The following XRRA1 variants were observed in gnomAD, a reference collection of about 807,000 sequenced individuals.
The protein encoded by XRRA1 is X-ray radiation resistance associated 1.
Under a neutral mutation model 80.2 loss-of-function variants are expected in XRRA1, and 69 were observed. The observed-to-expected ratio is 0.86, with a 90% CI of 0.71 to 1.05. XRRA1 has a LOEUF of 1.05. Among genes scored for constraint, XRRA1 ranks in the 50% least tolerant of loss-of-function variants. XRRA1 has a pLI of 0.00. For missense variants in XRRA1, 967 were observed against 976.4 expected, an observed-to-expected ratio of 0.99 and a Z score of 0.13; for synonymous variants, 348 against 389.9, an observed-to-expected ratio of 0.89 and a Z score of 1.27.
intron 18 of XRRA1, 111 bp from the exon 19 acceptor site, chr11:74,843,564 G>A (rs1215739642): frequency 2.8e-6 from 4 of 1,422,276 alleles, no homozygotes; most frequent in African/African-American, 2.9e-5. Flanking sequence ...TGTGGCAGGA[G>A]GATGCTAAGG....
chr11:74,888,497 A>G lies in XRRA1; in HGVS notation c.1003+17742T>C, dbSNP rs185932000. Reference sequence around the variant, plus strand: ...ACAGAGCAGAAAAACTGGAAACTCTAAAAATCAGAATGCCTCTCCTCCTCC... The same window carrying G: ...ACAGAGCAGAAAAACTGGAAACTCTGAAAATCAGAATGCCTCTCCTCCTCC... On this transcript the variant is annotated intron_variant, in intron 10 of 18. Coordinates refer to ENST00000684022, the MANE Select transcript of XRRA1 (RefSeq NM_001378157.1). Among the ~76,000 whole-genome samples, 447 of 152,342 alleles carry G rather than the reference A, an allele frequency of 2.9e-3. 3 individuals carry two copies. The highest frequency in any genetic ancestry group is 0.01 in the African/African-American group (420 of 41,574).
chr11:74,859,437 G>A (rs1015054506), intron 11 of XRRA1, among the ~76,000 whole-genome samples, 154 bp from the exon 12 acceptor site: 1 of 152,064 alleles, frequency 6.6e-6, no homozygotes, highest in Non-Finnish European at 1.5e-5. Context: ...GGTAGATGTC[G>A]CCATCAGCCC....
intron 10 of XRRA1, among the ~76,000 whole-genome samples, chr11:74,874,192 C>T (rs1426763940): frequency 2.3e-5 from 3 of 132,484 alleles, no homozygotes; most frequent in Non-Finnish European, 3.1e-5. Flanking sequence ...GCTGAGATCA[C>T]GCCACTGCGC....
chr11:74,930,730 G>C (rs1385181770), intron 5 of XRRA1, among the ~76,000 whole-genome samples: 2 of 152,108 alleles, frequency 1.3e-5, no homozygotes, highest in Non-Finnish European at 2.9e-5. Context: ...CCCTGTCCAT[G>C]TATCCCCTCA....
intron 14 of XRRA1, among the ~76,000 whole-genome samples, chr11:74,849,209 A>C (rs1163283504): frequency 1.3e-5 from 2 of 151,898 alleles, no homozygotes; most frequent in East Asian, 3.9e-4. Context: ...CTGTACTTTT[A>C]CTGAGAGATG....
At position 74,843,345 on chromosome 11, in the gene XRRA1, C is replaced by T. The variant is rs1195995972; in HGVS notation, c.2258G>A (p.Ser753Asn). 1.2e-6 allele frequency: 2 copies of T among 1,610,396 alleles called. No homozygotes were observed. The highest frequency in any genetic ancestry group is 2.2e-5 in the East Asian group (1 of 44,698). Reference sequence around the variant, plus strand: ...CCCGAACACTGTGCGCAGAGAGCCACTCACCAGCTGCCGGTAACGTGCCTG... The same window carrying T: ...CCCGAACACTGTGCGCAGAGAGCCATTCACCAGCTGCCGGTAACGTGCCTG... ...EFQARYRQLV[S>N]GSLRTVFGTT... Residue 753 changes from serine to asparagine, a missense_variant, in exon 19 of 19, where the codon AGT becomes AAT. Transcript: ENST00000684022.
chr11:74,863,995 G>C lies in XRRA1; in HGVS notation c.1004-974C>G, dbSNP rs370230875. On this transcript the variant is annotated intron_variant, in intron 10 of 18. Coordinates refer to ENST00000684022, the MANE Select transcript of XRRA1 (RefSeq NM_001378157.1). Reference sequence around the variant, plus strand: ...TCTCCCCACAATCACAGGAATTACTGCATTTTAAGCTTCTGATTGAGGATT... The same window carrying C: ...TCTCCCCACAATCACAGGAATTACTCCATTTTAAGCTTCTGATTGAGGATT... 5.9e-5 allele frequency: 9 copies of C among 152,210 alleles called. No homozygotes were observed. The South Asian group carries it at 1.7e-3, about 28-fold the overall frequency. 9.4% of individuals were successfully genotyped at this position (152,210 alleles called of 1,614,324 possible).
rs1405848532 is a variant in XRRA1, at chr11:74,881,433, T to C, written c.1004-18412A>G. ...TCTTTATCCAATTTGCCAGTCTGTG[T>C]CTTTTAATTGGAGCATTTAGTCCAT... On this transcript the variant is annotated intron_variant, in intron 10 of 18. Coordinates refer to ENST00000684022, the MANE Select transcript of XRRA1 (RefSeq NM_001378157.1). Among the ~76,000 whole-genome samples, 68 of 150,630 alleles carry C rather than the reference T, an allele frequency of 4.5e-4. 1 individual carries two copies. Among genetic ancestry groups the C allele is most frequent in the Non-Finnish European group, 4.4e-4 (30 of 67,650 alleles).
intron 12 of XRRA1, among the ~76,000 whole-genome samples, chr11:74,854,322 A>G (rs1461611632): frequency 1.3e-5 from 2 of 152,246 alleles, no homozygotes; most frequent in Middle Eastern, 3.4e-3. Flanking sequence ...GAGTGAGAGG[A>G]AAGAAACTAG....
chr11:74,877,755 T>C (rs1287564059), intron 10 of XRRA1, among the ~76,000 whole-genome samples: 1 of 152,114 alleles, frequency 6.6e-6, no homozygotes, highest in African/African-American at 2.4e-5. Flanking sequence ...GAATGATGAT[T>C]TCCAATTTCA....
chr11:74,861,286 T>C (rs996934238), intron 11 of XRRA1, among the ~76,000 whole-genome samples: 1 of 152,204 alleles, frequency 6.6e-6, no homozygotes, highest in African/African-American at 2.4e-5. Flanking sequence ...CAGCAGGAAG[T>C]GAGCAGTGGG....
chr11:74,931,071 T>G (rs559306034), intron 5 of XRRA1, among the ~76,000 whole-genome samples: 3 of 151,832 alleles, frequency 2.0e-5, no homozygotes, highest in Non-Finnish European at 4.4e-5. Flanking sequence ...CCTCCCAAAG[T>G]GCTAGGATTA....
intron 10 of XRRA1, among the ~76,000 whole-genome samples, chr11:74,897,357 C>G (rs2052568830): frequency 6.6e-6 from 1 of 151,766 alleles, no homozygotes; most frequent in African/African-American, 2.4e-5. Flanking sequence ...TGAAGTATGC[C>G]TACCAGATCC....
At chr11:74,914,887 C>G (rs1398755670) in intron 8 of XRRA1, among the ~76,000 whole-genome samples, 2 of 152,158 alleles carry the variant, frequency 1.3e-5, no homozygotes, top group African/African-American at 4.8e-5. Context: ...TCCAGCAAGA[C>G]TGGAAAAGTT....
chr11:74,865,339 T>C (rs1488499572), intron 10 of XRRA1, among the ~76,000 whole-genome samples: 4 of 152,188 alleles, frequency 2.6e-5, no homozygotes, highest in Admixed American at 2.0e-4. Context: ...AACTATCCTA[T>C]CTGTGCAGGA....
intron 9 of XRRA1, 149 bp downstream of exon 9, chr11:74,906,996 G>A (rs1795259130): frequency 2.8e-6 from 3 of 1,053,300 alleles, no homozygotes; most frequent in Admixed American, 4.8e-5. Flanking sequence ...GCTCAGAGGG[G>A]AGAAATGACT....
chr11:74,868,775 G>A (rs2044071904), intron 10 of XRRA1, among the ~76,000 whole-genome samples: 1 of 151,744 alleles, frequency 6.6e-6, no homozygotes, highest in African/African-American at 2.4e-5. Flanking sequence ...ATTATATAAT[G>A]GTAAAGAGCT....
intron 9 of XRRA1, 47 bp downstream of exon 9, chr11:74,907,098 G>A: frequency 6.2e-7 from 1 of 1,610,488 alleles, no homozygotes; most frequent in East Asian, 2.2e-5. Context: ...GTGTGAGCAA[G>A]CCTGGGGATT....
chr11:74,925,419 C>G (rs2139158872), intron 7 of XRRA1, among the ~76,000 whole-genome samples: 1 of 151,596 alleles, frequency 6.6e-6, no homozygotes, highest in South Asian at 2.1e-4. Context: ...GCTACTACAT[C>G]TGCTGAGTCA....
Sources: gnomAD v4.1 joint callset for allele counts (sites outside exome capture counted in the v4.1 genomes callset) on GRCh38, gnomAD v4.1.1 for gene constraint, MANE v1.5 for transcripts, NCBI Gene and HGNC (gene_info 2026-07-23, HGNC 2026-07-21) for gene names.